The following DNAH8 variants were observed in gnomAD, a reference collection of about 807,000 sequenced individuals.
The protein encoded by DNAH8 is dynein axonemal heavy chain 8.
DNAH8 carries 382 observed loss-of-function variants against 562.1 expected under a neutral mutation model. That is an observed-to-expected ratio of 0.68 (90% CI 0.63 to 0.74). The LOEUF (loss-of-function observed/expected upper bound fraction) is 0.74. Ranked by LOEUF, DNAH8 falls within the 30% of genes least tolerant of loss-of-function variation. The pLI is 0.00. For synonymous variants in DNAH8, 1,881 were observed against 1,919.4 expected (o/e 0.98, Z 0.52); for missense variants, 5,203 against 5,620.4 (o/e 0.93, Z 2.37).
chr6:38,961,518 T>C (rs1247420220), intron 82 of DNAH8, among the ~76,000 whole-genome samples: 2 of 151,896 alleles, frequency 1.3e-5, no homozygotes, highest in Non-Finnish European at 2.9e-5. Context: ...CTTCACCAAG[T>C]TGGAACACAT....
intron 85 of DNAH8, among the ~76,000 whole-genome samples, chr6:38,980,410 C>G (rs748589879): frequency 1.3e-5 from 2 of 152,168 alleles, no homozygotes; most frequent in African/African-American, 2.4e-5. Flanking sequence ...AGGCTCCCAC[C>G]CTTGCACCTA....
At chr6:38,956,053 C>T (rs1470666825) in intron 82 of DNAH8, among the ~76,000 whole-genome samples, 1 of 152,200 alleles carries the variant, frequency 6.6e-6, no homozygotes, top group East Asian at 1.9e-4. Flanking sequence ...GGCTCGTCTG[C>T]CTGCCAACAT....
chr6:39,017,695 A>G (rs1182929932), intron 91 of DNAH8, among the ~76,000 whole-genome samples: 2 of 152,192 alleles, frequency 1.3e-5, no homozygotes, highest in Admixed American at 1.3e-4. Flanking sequence ...GTCAGATATC[A>G]GTGACAACTT....
At chr6:38,813,756 G>A (rs1331200762) in intron 24 of DNAH8, among the ~76,000 whole-genome samples, 1 of 152,138 alleles carries the variant, frequency 6.6e-6, no homozygotes, top group African/African-American at 2.4e-5. Context: ...TGTATCTGTT[G>A]CAGGGCTGGG....
chr6:38,838,618 C>T (rs1774508339), intron 33 of DNAH8, among the ~76,000 whole-genome samples: 1 of 151,020 alleles, frequency 6.6e-6, no homozygotes, highest in African/African-American at 2.4e-5. Flanking sequence ...CCAGGATGGT[C>T]TCGATCTCCT....
chr6:38,890,469 A>G (rs770925973), intron 57 of DNAH8, among the ~76,000 whole-genome samples, 183 bp from the exon 58 acceptor site: 2 of 152,160 alleles, frequency 1.3e-5, no homozygotes, highest in Non-Finnish European at 2.9e-5. Flanking sequence ...CATATAAAAC[A>G]CTTATCACTG....
intron 79 of DNAH8, among the ~76,000 whole-genome samples, chr6:38,944,129 G>T (rs1010696929): frequency 6.7e-6 from 1 of 148,258 alleles, no homozygotes; most frequent in African/African-American, 2.5e-5. Context: ...GGGTGAGTTT[G>T]TCTCTGTGCC....
intron 14 of DNAH8, among the ~76,000 whole-genome samples, chr6:38,779,636 T>G (rs1213057088): frequency 1.3e-5 from 2 of 152,230 alleles, no homozygotes; most frequent in African/African-American, 4.8e-5. Context: ...TCACTCATCT[T>G]GTAATCTGTT....
At position 38,927,554 on chromosome 6, in the gene DNAH8, C is replaced by T. The variant is rs116836259; in HGVS notation, c.11118+1344C>T. On this transcript the variant is annotated intron_variant, in intron 74 of 92. Coordinates refer to ENST00000327475, the MANE Select transcript of DNAH8 (RefSeq NM_001206927.2). ...CTTAGGAGCCACATTTTCAGGGGTG[C>T]ACAAATGTGGTATACCAGAACACTT... 3.0e-3 allele frequency among the ~76,000 whole-genome samples: 459 copies of T among 152,254 alleles called. 2 individuals carry two copies. The highest frequency in any genetic ancestry group is 0.011 in the African/African-American group (444 of 41,546).
At chr6:38,978,092 T>C (rs1220340037) in intron 85 of DNAH8, among the ~76,000 whole-genome samples, 2 of 152,248 alleles carry the variant, frequency 1.3e-5, no homozygotes, top group African/African-American at 2.4e-5. Flanking sequence ...TTGTCCACAT[T>C]GAACTGCGTA....
At position 38,835,990 on chromosome 6, in the gene DNAH8, C is replaced by G. The variant is rs565046313; in HGVS notation, c.4365+1349C>G. ...AGAAATTGTAAAGAGGGAGACCAAGCAAGTGACACCTGTATAATGAAGAAA... is the reference window on the plus strand; with the variant it reads ...AGAAATTGTAAAGAGGGAGACCAAGGAAGTGACACCTGTATAATGAAGAAA... On this transcript the variant is annotated intron_variant, in intron 32 of 92. Transcript: ENST00000327475. Among the ~76,000 whole-genome samples, 8 of 152,170 alleles carry G rather than the reference C, an allele frequency of 5.3e-5. No individual in the cohort carries two copies. The South Asian group carries it at 1.7e-3, about 32-fold the overall frequency.
intron 91 of DNAH8, among the ~76,000 whole-genome samples, chr6:39,020,543 T>C (rs1253459368): frequency 6.6e-6 from 1 of 152,326 alleles, no homozygotes; most frequent in African/African-American, 2.4e-5. Flanking sequence ...TACTTTAAGT[T>C]CCGGGATACA....
chr6:38,894,950 T>C (rs1238611588), intron 59 of DNAH8, 86 bp downstream of exon 59: 9 of 1,361,982 alleles, frequency 6.6e-6, no homozygotes, highest in East Asian at 2.6e-5. Context: ...ATTTTTGAGA[T>C]GGAGTTTTGC....
intron 10 of DNAH8, among the ~76,000 whole-genome samples, chr6:38,757,254 C>A (rs1274309680): frequency 5.8e-4 from 84 of 145,024 alleles, no homozygotes; most frequent in South Asian, 9.0e-4. Context: ...TTTTGATTTG[C>A]ATTTCTCTGA....
chr6:38,890,610 T>C, intron 57 of DNAH8, 42 bp from the exon 58 acceptor site: 3 of 1,372,622 alleles, frequency 2.2e-6, no homozygotes, highest in Non-Finnish European at 1.0e-6. Flanking sequence ...TACTTGGAAA[T>C]CTTTTGGTAA....
chr6:38,749,697 G>A (rs1299243947), intron 8 of DNAH8, among the ~76,000 whole-genome samples: 3 of 152,224 alleles, frequency 2.0e-5, no homozygotes, highest in Admixed American at 2.0e-4. Flanking sequence ...ATACAGATGA[G>A]CAGAGATTAC....
chr6:38,974,941 C>T (rs1763579198), intron 85 of DNAH8, among the ~76,000 whole-genome samples: 1 of 152,226 alleles, frequency 6.6e-6, no homozygotes, highest in African/African-American at 2.4e-5. Flanking sequence ...CTAACAACCA[C>T]ATTTCAAGAT....
intron 10 of DNAH8, among the ~76,000 whole-genome samples, chr6:38,760,657 G>T (rs1766404949): frequency 6.6e-6 from 1 of 152,108 alleles, no homozygotes; most frequent in Non-Finnish European, 1.5e-5. Context: ...GGCCTGGCAG[G>T]AAGTGTCTGG....
At chr6:38,874,533 C>T (rs1777840357) in intron 52 of DNAH8, among the ~76,000 whole-genome samples, 1 of 151,348 alleles carries the variant, frequency 6.6e-6, no homozygotes, top group Non-Finnish European at 1.5e-5. Context: ...CCATGCCCAG[C>T]TAATTTTTAG....
Sources: allele counts gnomAD v4.1 joint callset (sites outside exome capture counted in the v4.1 genomes callset), GRCh38; gene constraint gnomAD v4.1.1; transcripts MANE v1.5; gene names NCBI Gene and HGNC (gene_info 2026-07-23, HGNC 2026-07-21).